The following OR2L13 variants were observed in gnomAD, a reference collection of about 807,000 sequenced individuals.
OR2L13 encodes the protein olfactory receptor family 2 subfamily L member 13.
OR2L13 carries 14 observed loss-of-function variants against 15.3 expected under a neutral mutation model. That is an observed-to-expected ratio of 0.91 (90% CI 0.60 to 1.43). The LOEUF is 1.43. OR2L13 is among the 40% of genes most tolerant of loss of function. OR2L13 has a pLI of 0.00. For missense variants in OR2L13, 367 were observed against 387.9 expected (o/e 0.95, Z 0.45); for synonymous variants, 152 against 142.9 (o/e 1.06, Z -0.45).
chr1:247,972,349 AT>A, the OR2L13 span, among the ~76,000 whole-genome samples: 2 of 113,354 alleles, frequency 1.8e-5, no homozygotes, highest in Admixed American at 1.1e-4. Context: ...TTTTGAAAAG[AT>A]TAACAAAATA....
chr1:247,948,998 C>A, the OR2L13 span: 1 of 1,613,882 alleles, frequency 6.2e-7, no homozygotes, highest in South Asian at 1.1e-5. Flanking sequence ...TGATTCTTCT[C>A]ATCTTCTTGG....
chr1:248,007,974 C>A, the OR2L13 span, among the ~76,000 whole-genome samples: 4 of 152,102 alleles, frequency 2.6e-5, no homozygotes, highest in Admixed American at 6.6e-5. Context: ...GCTGACTCAG[C>A]ATATTTATTA....
chr1:247,985,112 T>C, the OR2L13 span, among the ~76,000 whole-genome samples: 1 of 152,224 alleles, frequency 6.6e-6, no homozygotes, highest in Non-Finnish European at 1.5e-5. Flanking sequence ...TTTACTCTTT[T>C]TTTTAATACT....
At chr1:248,005,181 T>A in the OR2L13 span, among the ~76,000 whole-genome samples, 1 of 152,162 alleles carries the variant, frequency 6.6e-6, no homozygotes, top group Non-Finnish European at 1.5e-5. Flanking sequence ...ACTCAAAGTG[T>A]GGAATTGGAA....
the OR2L13 span, among the ~76,000 whole-genome samples, chr1:248,036,410 A>C: frequency 5.3e-5 from 8 of 152,350 alleles, no homozygotes; most frequent in African/African-American, 1.9e-4. Flanking sequence ...AACATATCAT[A>C]GACATCTTCA....
chr1:247,949,280 G>A, the OR2L13 span: 3 of 1,614,158 alleles, frequency 1.9e-6, no homozygotes, highest in Admixed American at 1.7e-5. Context: ...GAGTGTGTGT[G>A]CTGATGATAA....
At chr1:248,090,144 T>G in the OR2L13 span, among the ~76,000 whole-genome samples, 4 of 152,164 alleles carry the variant, frequency 2.6e-5, no homozygotes, top group African/African-American at 9.7e-5. Flanking sequence ...TTTCTCTTGC[T>G]GCAATCCCCA....
chr1:248,025,663 G>A, the OR2L13 span, among the ~76,000 whole-genome samples: 16 of 146,694 alleles, frequency 1.1e-4, no homozygotes, highest in Admixed American at 2.7e-4. Flanking sequence ...TGTTTATCGC[G>A]GCACTATTCA....
chr1:247,977,712 C>T, the OR2L13 span, among the ~76,000 whole-genome samples: 2 of 152,110 alleles, frequency 1.3e-5, no homozygotes, highest in African/African-American at 2.4e-5. Context: ...TCCTAACTAC[C>T]GTTAATTGTT....
chr1:248,083,816 G>A, the OR2L13 span: 1 of 1,613,772 alleles, frequency 6.2e-7, no homozygotes. Context: ...TGTGGGATTT[G>A]GGTCTCATAT....
At chr1:247,958,598 C>A in the OR2L13 span, among the ~76,000 whole-genome samples, 71 of 151,958 alleles carry the variant, frequency 4.7e-4, no homozygotes, top group Non-Finnish European at 6.9e-4. Flanking sequence ...TAGGTCTCTA[C>A]GGACTTGCTT....
At chr1:247,979,256 C>A in the OR2L13 span, among the ~76,000 whole-genome samples, 1 of 152,106 alleles carries the variant, frequency 6.6e-6, no homozygotes, top group Non-Finnish European at 1.5e-5. Context: ...TGGTTTGCTG[C>A]ACCCATCAAC....
the OR2L13 span, chr1:247,990,153 C>G: frequency 3.9e-6 from 2 of 515,438 alleles, no homozygotes; most frequent in Non-Finnish European, 7.1e-6. Flanking sequence ...AGTGTAAACC[C>G]CAATTTCAGG....
the OR2L13 span, among the ~76,000 whole-genome samples, chr1:247,961,077 G>A: frequency 1.3e-5 from 2 of 152,108 alleles, no homozygotes; most frequent in Non-Finnish European, 2.9e-5. Flanking sequence ...GGCCATCTTG[G>A]CTCCACCTCC....
exon 3 of OR2L13, chr1:248,099,873 C>T (rs1255863990): frequency 6.2e-7 from 1 of 1,614,158 alleles, no homozygotes; most frequent in South Asian, 1.1e-5. Flanking sequence ...TTCATATTCC[C>T]TACTGCAGGT....
the OR2L13 span, chr1:247,990,120 C>T: frequency 7.3e-6 from 2 of 275,676 alleles, no homozygotes; most frequent in South Asian, 6.9e-5. Context: ...TTTATTGATA[C>T]AAAAATAGTG....
the OR2L13 span, chr1:247,991,263 G>A: frequency 8.9e-6 from 10 of 1,123,860 alleles, 1 homozygote; most frequent in East Asian, 2.6e-5. Flanking sequence ...AGCAGTGTAC[G>A]GCGGTTAAGG....
the OR2L13 span, among the ~76,000 whole-genome samples, chr1:248,068,934 A>C: frequency 6.6e-6 from 1 of 152,156 alleles, no homozygotes. Flanking sequence ...AAAAAGAATA[A>C]AAAGAAATGA....
chr1:248,012,567 G>T, the OR2L13 span, among the ~76,000 whole-genome samples: 4 of 152,140 alleles, frequency 2.6e-5, no homozygotes, highest in African/African-American at 9.7e-5. Context: ...CCAGTGCCTA[G>T]TGTGCACTAG....
Sources: allele counts gnomAD v4.1 joint callset (sites outside exome capture counted in the v4.1 genomes callset), GRCh38; gene constraint gnomAD v4.1.1; transcripts MANE v1.5; gene names NCBI Gene and HGNC (gene_info 2026-07-23, HGNC 2026-07-21).